CDH4: variants seen among roughly 807,000 people sequenced by gnomAD.
CDH4 encodes the protein cadherin 4, also known as cadherin-4.
A neutral mutation model predicts 86.0 loss-of-function variants in CDH4; 33 were observed. The observed-to-expected ratio is 0.38, with a 90% CI of 0.29 to 0.51. The LOEUF is 0.51. Among genes scored for constraint, CDH4 ranks in the 20% least tolerant of loss-of-function variants. The pLI is 0.86. For synonymous variants in CDH4, 555 were observed against 549.4 expected (o/e 1.01, Z -0.14); for missense variants, 1,114 against 1,307.4 (o/e 0.85, Z 2.28).
rs6121953 is a variant in CDH4 at position 61,452,378 on chromosome 20, T to C, written c.169+197441T>C. Reference sequence around the variant, plus strand: ...GAAAAGCCAGCCTTAAGTAGCTTTATGTAGGGAGCTTGATTTCTGAAAAGA... The same window carrying C: ...GAAAAGCCAGCCTTAAGTAGCTTTACGTAGGGAGCTTGATTTCTGAAAAGA... On this transcript the variant is annotated intron_variant, in intron 2 of 15. Transcript: ENST00000614565. Among the ~76,000 whole-genome samples the C allele has an allele frequency of 9.2e-3, 1,408 of 152,318 alleles. 23 individuals are homozygous for C. Among genetic ancestry groups the C allele is most frequent in the African/African-American group, 0.033 (1,370 of 41,566 alleles).
intron 4 of CDH4, among the ~76,000 whole-genome samples, chr20:61,774,875 A>G (rs1178194619): frequency 6.6e-6 from 1 of 152,186 alleles, no homozygotes; most frequent in Non-Finnish European, 1.5e-5. Context: ...TTATGGCTGC[A>G]TAGTATTCCA....
intron 3 of CDH4, among the ~76,000 whole-genome samples, chr20:61,760,298 G>A (rs2088618251): frequency 6.6e-6 from 1 of 152,264 alleles, no homozygotes; most frequent in Non-Finnish European, 1.5e-5. Context: ...GTTGCCTAAA[G>A]AACCAACTCT....
chr20:61,710,108 T>G (rs892448297), intron 2 of CDH4, among the ~76,000 whole-genome samples: 1 of 152,086 alleles, frequency 6.6e-6, no homozygotes, highest in Non-Finnish European at 1.5e-5. Flanking sequence ...ACCGAGAACC[T>G]CAAAGCCCTG....
At chr20:61,345,531 C>T (rs963347194) in intron 2 of CDH4, among the ~76,000 whole-genome samples, 4 of 152,122 alleles carry the variant, frequency 2.6e-5, no homozygotes, top group Non-Finnish European at 5.9e-5. Flanking sequence ...TATGGAATAC[C>T]CAGGGTGGAA....
chr20:61,290,678 T>C (rs1027761982), intron 2 of CDH4, among the ~76,000 whole-genome samples: 1 of 152,124 alleles, frequency 6.6e-6, no homozygotes, highest in East Asian at 1.9e-4. Context: ...ATGGCACAGG[T>C]GTAAGATGAA....
intron 3 of CDH4, among the ~76,000 whole-genome samples, chr20:61,751,012 T>C (rs778230652): frequency 3.4e-4 from 52 of 152,240 alleles, no homozygotes; most frequent in Non-Finnish European, 6.5e-4. Flanking sequence ...AAGGCTTATG[T>C]TAGAATATTG....
chr20:61,739,520 T>A (rs1019659192), intron 2 of CDH4, among the ~76,000 whole-genome samples: 2 of 152,046 alleles, frequency 1.3e-5, no homozygotes, highest in African/African-American at 2.4e-5. Context: ...AGGTTACAGG[T>A]TTCCATGGGA....
In CDH4 at chr20:61,933,106, C is replaced by A; in HGVS notation, c.2361C>A (p.Gly787=). The change falls in exon 14 of 16, where the codon GGC becomes GGA. Residue 787 remains glycine, a synonymous_variant. Transcript: ENST00000614565. ...RDNILKYDEE[G]GGEEDQDYDL... ...ACATCCTCAAGTATGACGAGGAAGGCGGTGGCGAGGAGGACCAGGTGAGAC... is the reference window on the plus strand; with the variant it reads ...ACATCCTCAAGTATGACGAGGAAGGAGGTGGCGAGGAGGACCAGGTGAGAC... 1.2e-6 allele frequency: 2 copies of A among 1,612,936 alleles called. No homozygotes were observed. Among genetic ancestry groups the A allele is most frequent in the Non-Finnish European group, 1.7e-6 (2 of 1,179,890 alleles).
intron 2 of CDH4, among the ~76,000 whole-genome samples, chr20:61,451,284 G>A (rs943843756): frequency 4.6e-5 from 7 of 152,038 alleles, no homozygotes; most frequent in African/African-American, 1.2e-4. Context: ...AGGAGGAAAC[G>A]GCACGGACCA....
At chr20:61,731,054 T>C (rs1330871870) in intron 2 of CDH4, among the ~76,000 whole-genome samples, 2 of 151,942 alleles carry the variant, frequency 1.3e-5, no homozygotes, top group Admixed American at 6.5e-5. Context: ...CCCAGAGACC[T>C]CACCCTGGGG....
intron 2 of CDH4, among the ~76,000 whole-genome samples, chr20:61,403,891 G>A (rs73915015): frequency 0.033 from 5,095 of 152,280 alleles, 307 homozygotes; most frequent in African/African-American, 0.12. Flanking sequence ...CTGGCAGGAC[G>A]CTGTGTTTCA....
chr20:61,724,855 A>G (rs1390041374), intron 2 of CDH4, among the ~76,000 whole-genome samples: 1 of 152,240 alleles, frequency 6.6e-6, no homozygotes, highest in African/African-American at 2.4e-5. Context: ...TCATGCATGC[A>G]ATCCCAACAC....
intron 5 of CDH4, among the ~76,000 whole-genome samples, chr20:61,851,819 A>C (rs528633699): frequency 3.8e-4 from 58 of 151,568 alleles, no homozygotes; most frequent in African/African-American, 1.3e-3. Context: ...GGCGGCCACC[A>C]CACCCACTGA....
At chr20:61,375,114 A>G (rs2084859677) in intron 2 of CDH4, among the ~76,000 whole-genome samples, 1 of 152,074 alleles carries the variant, frequency 6.6e-6, no homozygotes, top group African/African-American at 2.4e-5. Context: ...CTGCACCCCA[A>G]CCACATGTTT....
intron 2 of CDH4, among the ~76,000 whole-genome samples, chr20:61,593,028 A>G (rs2086529421): frequency 6.6e-6 from 1 of 152,128 alleles, no homozygotes; most frequent in African/African-American, 2.4e-5. Flanking sequence ...CAGGTCAGAG[A>G]AGAAGTGGCA....
At chr20:61,924,632 G>A (rs1194649127) in intron 11 of CDH4, among the ~76,000 whole-genome samples, 156 bp downstream of exon 11, 2 of 152,058 alleles carry the variant, frequency 1.3e-5, no homozygotes, top group African/African-American at 4.8e-5. Context: ...GCAGACACCG[G>A]TGATCAGGGC....
intron 2 of CDH4, among the ~76,000 whole-genome samples, chr20:61,514,075 G>A (rs2085799593): frequency 6.6e-6 from 1 of 152,234 alleles, no homozygotes; most frequent in South Asian, 2.1e-4. Flanking sequence ...AGAAGCTACA[G>A]GCAAAATCAT....
At position 61,879,081 on chromosome 20, in the gene CDH4, A is replaced by G. The variant is rs1984165619; in HGVS notation, c.1050+5181A>G. Among the ~76,000 whole-genome samples the G allele has an allele frequency of 6.6e-6, 1 of 152,242 alleles. No homozygotes were observed. The highest frequency in any genetic ancestry group is 2.1e-4 in the South Asian group (1 of 4,836). ...CAACAGGTTTTAAGACAACGGCTCC[A>G]GGACCACCGTTGCCAGGCATTAGTA... On this transcript the variant is annotated intron_variant, in intron 7 of 15. Transcript: ENST00000614565. This position sits in a 1 kb window ranked among gnomAD's most constrained non-coding sequence, Gnocchi z 4.1.
chr20:61,707,148 C>T (rs564860735), intron 2 of CDH4, among the ~76,000 whole-genome samples: 20 of 152,376 alleles, frequency 1.3e-4, no homozygotes, highest in African/African-American at 4.6e-4. Context: ...CCGGGGTCCC[C>T]ATGAGCGCAT....
Sources: gnomAD v4.1 joint callset for allele counts (sites outside exome capture counted in the v4.1 genomes callset) on GRCh38, gnomAD v4.1.1 for gene constraint, Gnocchi (gnomAD v3.1) non-coding constraint, MANE v1.5 for transcripts, NCBI Gene and HGNC (gene_info 2026-07-23, HGNC 2026-07-21) for gene names.